The following RIMS1 variants were observed in gnomAD, a reference collection of about 807,000 sequenced individuals.
RIMS1 encodes the protein regulating synaptic membrane exocytosis 1, also known as regulating synaptic membrane exocytosis protein 1.
In RIMS1, 83 loss-of-function variants were observed where a neutral mutation model predicts 214.1. That is an observed-to-expected ratio of 0.39 (90% CI 0.32 to 0.47). The LOEUF is 0.47. Among genes scored for constraint, RIMS1 ranks in the 20% least tolerant of loss-of-function variants. The pLI is 0.99. For missense variants in RIMS1, 2,050 were observed against 2,161.8 expected, an observed-to-expected ratio of 0.95 and a Z score of 1.03; for synonymous variants, 793 against 786.8, an observed-to-expected ratio of 1.01 and a Z score of -0.13.
At chr6:72,387,192 A>G (rs568545058) in intron 29 of RIMS1, among the ~76,000 whole-genome samples, 3 of 152,100 alleles carry the variant, frequency 2.0e-5, no homozygotes, top group African/African-American at 7.2e-5. Flanking sequence ...TGAACAAAAA[A>G]CAGAATGAAC....
At chr6:72,091,148 C>T (rs1205865998) in intron 2 of RIMS1, among the ~76,000 whole-genome samples, 1 of 152,242 alleles carries the variant, frequency 6.6e-6, no homozygotes, top group African/African-American at 2.4e-5. Flanking sequence ...TGCATGCAAA[C>T]TATCCTGGCC....
intron 6 of RIMS1, among the ~76,000 whole-genome samples, chr6:72,231,266 C>G (rs542643045): frequency 6.6e-6 from 1 of 151,498 alleles, no homozygotes; most frequent in South Asian, 2.1e-4. Flanking sequence ...TAGTTTACAA[C>G]TAAGTATTTA....
chr6:72,117,758 T>C (rs924941333), intron 4 of RIMS1, among the ~76,000 whole-genome samples: 6 of 151,984 alleles, frequency 3.9e-5, no homozygotes, highest in African/African-American at 1.2e-4. Flanking sequence ...TATCAAAACC[T>C]CTGGGATACG....
intron 2 of RIMS1, among the ~76,000 whole-genome samples, chr6:72,055,306 A>G (rs539700595): frequency 1.9e-4 from 29 of 152,130 alleles, no homozygotes; most frequent in Non-Finnish European, 3.5e-4. Flanking sequence ...ATATATTATT[A>G]TATTTATTTC....
At chr6:72,323,728 A>G (rs1165458819) in intron 28 of RIMS1, among the ~76,000 whole-genome samples, 1 of 151,960 alleles carries the variant, frequency 6.6e-6, no homozygotes, top group African/African-American at 2.4e-5. Context: ...AAATCTTTAC[A>G]TACCCAATAA....
At chr6:72,196,182 A>AT in intron 6 of RIMS1, among the ~76,000 whole-genome samples, 1 of 152,110 alleles carries the variant, frequency 6.6e-6, no homozygotes, top group East Asian at 1.9e-4. Context: ...TAGTCCTGGT[A>AT]TTTTTTCTTG....
At chr6:71,924,597 C>T (rs560797186) in intron 1 of RIMS1, among the ~76,000 whole-genome samples, 39 of 144,912 alleles carry the variant, frequency 2.7e-4, no homozygotes, top group African/African-American at 8.4e-4. Context: ...AATTTGAGAC[C>T]GGACTGGCCA....
intron 4 of RIMS1, among the ~76,000 whole-genome samples, chr6:72,106,372 G>C (rs2034746568): frequency 6.6e-6 from 1 of 152,150 alleles, no homozygotes; most frequent in Non-Finnish European, 1.5e-5. Flanking sequence ...ATCTTTCAGG[G>C]AGAAAATAAT....
chr6:72,346,874 C>T (rs769745713), intron 29 of RIMS1, among the ~76,000 whole-genome samples: 82 of 151,814 alleles, frequency 5.4e-4, no homozygotes, highest in Admixed American at 1.7e-3. Context: ...ACCGCTTAAT[C>T]CACAAAGTTA....
chr6:72,137,209 C>T (rs571087540), intron 4 of RIMS1, among the ~76,000 whole-genome samples: 1 of 151,926 alleles, frequency 6.6e-6, no homozygotes, highest in East Asian at 1.9e-4. Context: ...AAGAACAATA[C>T]CACAGTTTTC....
intron 2 of RIMS1, among the ~76,000 whole-genome samples, chr6:72,068,714 G>C (rs1161342834): frequency 6.6e-6 from 1 of 152,054 alleles, no homozygotes; most frequent in Non-Finnish European, 1.5e-5. Context: ...ACGAGGTCAG[G>C]AGATCGAGAC....
intron 17 of RIMS1, among the ~76,000 whole-genome samples, chr6:72,258,720 G>A (rs879686730): frequency 3.3e-5 from 5 of 152,084 alleles, no homozygotes; most frequent in Non-Finnish European, 7.4e-5. Flanking sequence ...ATTTTACTCT[G>A]ATATACACTC....
intron 4 of RIMS1, among the ~76,000 whole-genome samples, chr6:72,140,964 G>A (rs1337611383): frequency 2.6e-5 from 4 of 151,996 alleles, no homozygotes; most frequent in Admixed American, 1.3e-4. Context: ...TCTTAAGATG[G>A]TGATGTTCTC....
At chr6:72,187,497 G>GAGAC (rs1253617692) in intron 6 of RIMS1, among the ~76,000 whole-genome samples, 4 of 22,898 alleles carry the variant, frequency 1.7e-4, no homozygotes, top group Non-Finnish European at 3.4e-4. Context: ...TTTTTTTTTG[G>GAGAC]AGACAGAGTC....
At chr6:72,061,648 C>T (rs1206458115) in intron 2 of RIMS1, among the ~76,000 whole-genome samples, 1 of 152,176 alleles carries the variant, frequency 6.6e-6, no homozygotes, top group Non-Finnish European at 1.5e-5. Context: ...CCTTTGTTCC[C>T]GGACCCTCCT....
At chr6:72,351,509 A>G (rs1022781471) in intron 29 of RIMS1, among the ~76,000 whole-genome samples, 2 of 152,210 alleles carry the variant, frequency 1.3e-5, no homozygotes, top group African/African-American at 2.4e-5. Context: ...CAGCAACCCT[A>G]TGACATTGAT....
chr6:71,911,158 A>G (rs925060000), intron 1 of RIMS1, among the ~76,000 whole-genome samples: 1 of 152,166 alleles, frequency 6.6e-6, no homozygotes, highest in East Asian at 1.9e-4. Context: ...TGAATTATGC[A>G]GTTCTGTTGA....
intron 29 of RIMS1, among the ~76,000 whole-genome samples, chr6:72,387,110 A>G (rs561409425): frequency 9.9e-5 from 15 of 152,046 alleles, no homozygotes; most frequent in Admixed American, 2.6e-4. Flanking sequence ...TCATCCATCC[A>G]TATATCTCCA....
At chr6:72,241,953 C>T (rs759109381) in intron 9 of RIMS1, among the ~76,000 whole-genome samples, 8 of 152,030 alleles carry the variant, frequency 5.3e-5, no homozygotes, top group Non-Finnish European at 1.2e-4. Context: ...ATATGGAGGG[C>T]ATGCTGCTAA....
Sources: gnomAD v4.1 joint callset for allele counts (sites outside exome capture counted in the v4.1 genomes callset) on GRCh38, gnomAD v4.1.1 for gene constraint, MANE v1.5 for transcripts, NCBI Gene and HGNC (gene_info 2026-07-23, HGNC 2026-07-21) for gene names.